NR4A1: variants seen among roughly 807,000 people sequenced by gnomAD.
The protein encoded by NR4A1 is nuclear receptor subfamily 4 group A member 1, also known as nuclear receptor subfamily 4immunitygroup A member 1.
NR4A1 carries 24 observed loss-of-function variants against 47.5 expected under a neutral mutation model. The observed-to-expected ratio is 0.50, with a 90% CI of 0.37 to 0.71. The LOEUF is 0.71. Ranked by LOEUF, NR4A1 falls within the 30% of genes least tolerant of loss-of-function variation. The probability of loss-of-function intolerance (pLI) is 0.00; values close to 1 mark genes in which losing one functional copy is unlikely to be tolerated. For missense variants in NR4A1, 669 were observed against 788.6 expected, an observed-to-expected ratio of 0.85 and a Z score of 1.82; for synonymous variants, 353 against 345.7, an observed-to-expected ratio of 1.02 and a Z score of -0.24.
chr12:52,050,191 G>C (rs1345207889), upstream of NR4A1, among the ~76,000 whole-genome samples: 1 of 152,220 alleles, frequency 6.6e-6, no homozygotes, highest in Non-Finnish European at 1.5e-5. Flanking sequence ...AACCAGGGAA[G>C]GCTCCAGGTG....
chr12:52,052,709 C>G (rs182131900), intron 1 of NR4A1: 3 of 962,124 alleles, frequency 3.1e-6, no homozygotes, highest in Non-Finnish European at 3.7e-6. Context: ...GGGGGTTGAT[C>G]CGGATGTGGG....
At chr12:52,048,411 A>G (rs139049522), upstream of NR4A1, among the ~76,000 whole-genome samples, 987 of 150,654 alleles carry the variant, frequency 6.6e-3, 4 homozygotes, top group African/African-American at 0.01. Context: ...TGGCTAACAC[A>G]GTGAAACCCC....
At chr12:52,041,698 G>T in intron 1 of NR4A1, 2 of 1,171,554 alleles carry the variant, frequency 1.7e-6, no homozygotes, top group Non-Finnish European at 2.2e-6. Flanking sequence ...TCCCCCTCTT[G>T]TGGCCTAGGT....
intron 1 of NR4A1, chr12:52,037,376 C>T: frequency 1.0e-6 from 1 of 985,854 alleles, no homozygotes; most frequent in Non-Finnish European, 1.2e-6. Context: ...TGCAGAGCAG[C>T]TCAGGGCCGG....
chr12:52,054,226 C>T, intron 1 of NR4A1, 101 bp from the exon 2 acceptor site: 1 of 1,013,226 alleles, frequency 9.9e-7, no homozygotes, highest in East Asian at 2.6e-5. Flanking sequence ...GGCTGGGATT[C>T]CTGCCACCTT....
intron 2 of NR4A1, among the ~76,000 whole-genome samples, chr12:52,046,166 G>A (rs1231520703): frequency 6.6e-6 from 1 of 152,196 alleles, no homozygotes; most frequent in African/African-American, 2.4e-5. Context: ...AAGGTGGAGG[G>A]GCAGCGTGGG....
intron 2 of NR4A1, chr12:52,041,948 T>C: frequency 1.5e-6 from 2 of 1,335,226 alleles, no homozygotes; most frequent in South Asian, 1.9e-5. Flanking sequence ...TCTGCTATTG[T>C]CCTTTGTACA....
At chr12:52,055,555 T>TTCTGCC in intron 2 of NR4A1, 1 of 528,112 alleles carries the variant, frequency 1.9e-6, no homozygotes, top group Non-Finnish European at 3.3e-6. Flanking sequence ...GCCCCCAGGC[T>TTCTGCC]CTCATGTTCC....
chr12:52,048,013 G>A (rs1022867265), upstream of NR4A1, among the ~76,000 whole-genome samples: 1 of 151,264 alleles, frequency 6.6e-6, no homozygotes, highest in Non-Finnish European at 1.5e-5. Context: ...AATTAGCTGG[G>A]TGTGGTGGCA....
chr12:52,044,838 G>C (rs1938572376), intron 2 of NR4A1, among the ~76,000 whole-genome samples: 1 of 152,162 alleles, frequency 6.6e-6, no homozygotes, highest in Non-Finnish European at 1.5e-5. Context: ...GGGAAACTGA[G>C]GGAGGTTCAA....
At chr12:52,040,702 G>C (rs998493818) in intron 1 of NR4A1, among the ~76,000 whole-genome samples, 9 of 152,314 alleles carry the variant, frequency 5.9e-5, no homozygotes, top group African/African-American at 1.9e-4. Flanking sequence ...CTGTGGGCCA[G>C]AGGATCTTCC....
At chr12:52,030,956 A>G (rs1938112237) in intron 1 of NR4A1, among the ~76,000 whole-genome samples, 1 of 151,952 alleles carries the variant, frequency 6.6e-6, no homozygotes, top group Admixed American at 6.6e-5. Flanking sequence ...GCACTCTTTC[A>G]TTACTGTTTC....
At chr12:52,026,910 A>G (rs1016715102) in intron 1 of NR4A1, among the ~76,000 whole-genome samples, 4 of 152,172 alleles carry the variant, frequency 2.6e-5, no homozygotes, top group African/African-American at 9.7e-5. Flanking sequence ...GGGGAAGGTG[A>G]GAGCACAGAG....
chr12:52,057,218 G>A lies in NR4A1; in HGVS notation c.1320G>A (p.Glu440=), dbSNP rs1207180347. The change falls in exon 5 of 7, where the codon GAG becomes GAA. Residue 440 remains glutamate (E), a synonymous_variant. Coordinates refer to ENST00000394825, the MANE Select transcript of NR4A1 (RefSeq NM_173157.3). Reference sequence around the variant, plus strand: ...CGGCTGACCAGGACCTGTTGCTGGAGTCGGCCTTCCTGGAGCTCTTCATCC... The same window carrying A: ...CGGCTGACCAGGACCTGTTGCTGGAATCGGCCTTCCTGGAGCTCTTCATCC... ...LSPADQDLLL[E]SAFLELFILR... The A allele has an allele frequency of 6.2e-7, 1 of 1,614,018 alleles. No homozygotes were observed. The highest frequency in any genetic ancestry group is 8.5e-7 in the Non-Finnish European group (1 of 1,179,914).
intron 2 of NR4A1, among the ~76,000 whole-genome samples, chr12:52,042,775 G>A (rs767199865): frequency 6.6e-6 from 1 of 152,340 alleles, no homozygotes; most frequent in Non-Finnish European, 1.5e-5. Flanking sequence ...GGGGACATGA[G>A]ATGGGGCCAA....
At chr12:52,026,826 A>C (rs1938009338) in intron 1 of NR4A1, among the ~76,000 whole-genome samples, 1 of 151,970 alleles carries the variant, frequency 6.6e-6, no homozygotes, top group African/African-American at 2.4e-5. Flanking sequence ...AGGAGCTAGG[A>C]GGGGCTTCAG....
At chr12:52,055,363 C>A in intron 2 of NR4A1, 159 bp downstream of exon 2, 2 of 859,768 alleles carry the variant, frequency 2.3e-6, no homozygotes, top group South Asian at 3.4e-5. Context: ...CCTGGAGACC[C>A]GTAGATGCCA....
chr12:52,044,019 C>A, intron 2 of NR4A1: 1 of 963,570 alleles, frequency 1.0e-6, no homozygotes. Context: ...GGGGAGGAAG[C>A]AAGGGTGGCC....
chr12:52,038,462 G>T, intron 1 of NR4A1: 1 of 450,500 alleles, frequency 2.2e-6, no homozygotes, highest in South Asian at 2.7e-5. Context: ...TAATTTGGTT[G>T]TGGGGCTAGT....
Sources: gnomAD v4.1 joint callset for allele counts (sites outside exome capture counted in the v4.1 genomes callset) on GRCh38, gnomAD v4.1.1 for gene constraint, MANE v1.5 for transcripts, NCBI Gene and HGNC (gene_info 2026-07-23, HGNC 2026-07-21) for gene names.